The following GRIA4 variants were observed in gnomAD, a reference collection of about 807,000 sequenced individuals.
GRIA4 encodes glutamate ionotropic receptor AMPA type subunit 4.
A neutral mutation model predicts 104.0 loss-of-function variants in GRIA4; 34 were observed. The observed-to-expected ratio is 0.33, with a 90% CI of 0.25 to 0.44. The LOEUF (loss-of-function observed/expected upper bound fraction) is 0.44. GRIA4 is among the 20% of genes least tolerant of loss of function. GRIA4 has a pLI of 1.00. For synonymous variants in GRIA4, 386 were observed against 381.9 expected, an observed-to-expected ratio of 1.01 and a Z score of -0.13; for missense variants, 750 against 1,096.5, an observed-to-expected ratio of 0.68 and a Z score of 4.46.
chr11:105,745,381 T>C (rs575464053), intron 3 of GRIA4, among the ~76,000 whole-genome samples: 5 of 152,306 alleles, frequency 3.3e-5, no homozygotes, highest in African/African-American at 4.8e-5. Flanking sequence ...AGCTAACAAC[T>C]TGAGCCACTT....
intron 4 of GRIA4, among the ~76,000 whole-genome samples, chr11:105,761,398 T>C (rs983221304): frequency 6.6e-6 from 1 of 152,224 alleles, no homozygotes; most frequent in Non-Finnish European, 1.5e-5. Context: ...CAACTGCCAT[T>C]ATGCACTAAG....
intron 4 of GRIA4, among the ~76,000 whole-genome samples, chr11:105,858,873 T>C (rs1360227137): frequency 6.6e-6 from 1 of 152,194 alleles, no homozygotes; most frequent in Non-Finnish European, 1.5e-5. Context: ...CAGTAAATTA[T>C]ATAGAATTAA....
intron 4 of GRIA4, among the ~76,000 whole-genome samples, chr11:105,770,907 C>G (rs532899629): frequency 1.3e-5 from 2 of 152,026 alleles, no homozygotes; most frequent in Admixed American, 1.3e-4. Context: ...TTCCTGCCAT[C>G]AAGAAATAAT....
At chr11:105,704,897 T>G (rs1191037383) in intron 3 of GRIA4, among the ~76,000 whole-genome samples, 2 of 152,130 alleles carry the variant, frequency 1.3e-5, no homozygotes, top group East Asian at 1.9e-4. Context: ...TTTTATGTAG[T>G]AAGACAAGTT....
chr11:105,896,305 T>C (rs895517556), intron 6 of GRIA4, among the ~76,000 whole-genome samples: 2 of 152,160 alleles, frequency 1.3e-5, no homozygotes, highest in African/African-American at 4.8e-5. Flanking sequence ...TTTAAGTTCC[T>C]TATAGATTCT....
intron 3 of GRIA4, among the ~76,000 whole-genome samples, chr11:105,683,853 C>G (rs533153597): frequency 2.0e-5 from 3 of 151,792 alleles, no homozygotes; most frequent in African/African-American, 7.2e-5. Context: ...GCAGAAGATA[C>G]AGAAGAAATA....
At chr11:105,841,232 C>CA (rs547615865) in intron 4 of GRIA4, among the ~76,000 whole-genome samples, 6,265 of 142,558 alleles carry the variant, frequency 0.044, 148 homozygotes, top group Non-Finnish European at 0.057. Flanking sequence ...GTGGGTTCTT[C>CA]AAAAAAAAAA....
intron 4 of GRIA4, among the ~76,000 whole-genome samples, chr11:105,794,619 G>T (rs193297058): frequency 0.042 from 6,106 of 146,028 alleles, 196 homozygotes; most frequent in Non-Finnish European, 0.059. Context: ...TATATATAGA[G>T]AGAGAGAGTT....
chr11:105,649,637 A>G (rs1281283484), intron 3 of GRIA4, among the ~76,000 whole-genome samples: 1 of 152,140 alleles, frequency 6.6e-6, no homozygotes, highest in Non-Finnish European at 1.5e-5. Flanking sequence ...TAATTCTTTT[A>G]AAAGGATAAA....
At chr11:105,831,590 T>A (rs41375749) in intron 4 of GRIA4, among the ~76,000 whole-genome samples, 17,712 of 152,054 alleles carry the variant, frequency 0.12, 1,149 homozygotes, top group Admixed American at 0.21. Flanking sequence ...TACATAACAA[T>A]TCATGCTCAG....
intron 13 of GRIA4, among the ~76,000 whole-genome samples, chr11:105,927,323 C>T (rs763277633): frequency 2.6e-5 from 4 of 152,078 alleles, no homozygotes; most frequent in African/African-American, 4.8e-5. Context: ...AGAATACATT[C>T]AACTTGCTGC....
intron 14 of GRIA4, among the ~76,000 whole-genome samples, chr11:105,935,476 T>G (rs976847188): frequency 6.6e-6 from 1 of 152,162 alleles, no homozygotes; most frequent in Non-Finnish European, 1.5e-5. Flanking sequence ...AGGGTTTATT[T>G]TGTGTGATGC....
chr11:105,952,578 A>C (rs1948481229), intron 14 of GRIA4, among the ~76,000 whole-genome samples: 1 of 152,176 alleles, frequency 6.6e-6, no homozygotes. Context: ...TCCATGTCTC[A>C]ACTAGAAATT....
chr11:105,793,592 C>T (rs950750611), intron 4 of GRIA4, among the ~76,000 whole-genome samples: 1 of 152,112 alleles, frequency 6.6e-6, no homozygotes, highest in African/African-American at 2.4e-5. Flanking sequence ...ATTTGAAAGC[C>T]TCCCATGAAG....
chr11:105,870,901 C>T (rs1205782724), intron 5 of GRIA4, among the ~76,000 whole-genome samples: 1 of 152,012 alleles, frequency 6.6e-6, no homozygotes, highest in Non-Finnish European at 1.5e-5. Flanking sequence ...AGGTAGAAAG[C>T]CAAGTGACTG....
chr11:105,955,338 T>G (rs1318236637), intron 14 of GRIA4, among the ~76,000 whole-genome samples: 2 of 152,126 alleles, frequency 1.3e-5, no homozygotes, highest in Non-Finnish European at 2.9e-5. Context: ...GTCCTCAATG[T>G]TCAACTCCCA....
chr11:105,918,561 C>G, intron 10 of GRIA4, 151 bp from the exon 11 acceptor site: 2 of 557,730 alleles, frequency 3.6e-6, no homozygotes, highest in Non-Finnish European at 6.4e-6. Context: ...ATATATTCAT[C>G]TGTTTTATTA....
intron 3 of GRIA4, among the ~76,000 whole-genome samples, chr11:105,674,422 T>A (rs918026637): frequency 2.0e-5 from 3 of 151,702 alleles, no homozygotes; most frequent in Non-Finnish European, 2.9e-5. Context: ...TAGAAACATA[T>A]CCGCCTCAGG....
At chr11:105,846,972 G>A (rs945962827) in intron 4 of GRIA4, among the ~76,000 whole-genome samples, 27 of 152,266 alleles carry the variant, frequency 1.8e-4, no homozygotes, top group African/African-American at 5.3e-4. Context: ...TTAGGGCAAC[G>A]GTCCCCAATC....
Sources: allele counts gnomAD v4.1 joint callset (sites outside exome capture counted in the v4.1 genomes callset), GRCh38; gene constraint gnomAD v4.1.1; transcripts MANE v1.5; gene names NCBI Gene and HGNC (gene_info 2026-07-23, HGNC 2026-07-21).